Variants in CCDC91 observed in about 807,000 individuals in gnomAD.
The protein encoded by CCDC91 is coiled-coil domain-containing protein 91.
In CCDC91, 48 loss-of-function variants were observed where a neutral mutation model predicts 63.2. The observed-to-expected ratio is 0.76, with a 90% CI of 0.60 to 0.97. The LOEUF (loss-of-function observed/expected upper bound fraction) is 0.97. Among genes scored for constraint, CCDC91 ranks in the 50% least tolerant of loss-of-function variants. The pLI, the probability that CCDC91 is intolerant of heterozygous loss-of-function variation, is 0.00. For missense variants in CCDC91, 500 were observed against 494.6 expected, an observed-to-expected ratio of 1.01 and a Z score of -0.10; for synonymous variants, 167 against 165.8, an observed-to-expected ratio of 1.01 and a Z score of -0.06.
intron 11 of CCDC91, among the ~76,000 whole-genome samples, chr12:28,475,974 G>A (rs1330511963): frequency 6.6e-6 from 1 of 151,824 alleles, no homozygotes; most frequent in Non-Finnish European, 1.5e-5. Flanking sequence ...GGGGTTGCTT[G>A]TTACAGACAC....
At chr12:28,359,691 G>T in intron 6 of CCDC91, among the ~76,000 whole-genome samples, 1 of 152,028 alleles carries the variant, frequency 6.6e-6, no homozygotes, top group East Asian at 1.9e-4. Flanking sequence ...TAGTGTATCT[G>T]ACTGCATATA....
intron 3 of CCDC91, among the ~76,000 whole-genome samples, chr12:28,298,550 AG>A (rs1160424028): frequency 1.3e-5 from 2 of 151,402 alleles, no homozygotes; most frequent in Admixed American, 1.3e-4. Flanking sequence ...ATTTTTAAGC[AG>A]GTATAGTTAT....
chr12:28,485,174 T>A (rs1218509048), intron 12 of CCDC91, among the ~76,000 whole-genome samples: 1 of 151,942 alleles, frequency 6.6e-6, no homozygotes, highest in Non-Finnish European at 1.5e-5. Flanking sequence ...TTTGTTTTTT[T>A]TTGAGACAGA....
intron 6 of CCDC91, among the ~76,000 whole-genome samples, chr12:28,338,686 T>C (rs754128361): frequency 1.6e-4 from 24 of 151,924 alleles, no homozygotes; most frequent in Middle Eastern, 6.3e-3. Context: ...CACTCTGACC[T>C]CTGTGGGGAA....
chr12:28,280,230 T>A (rs989110906), intron 3 of CCDC91, among the ~76,000 whole-genome samples: 1 of 152,194 alleles, frequency 6.6e-6, no homozygotes, highest in African/African-American at 2.4e-5. Flanking sequence ...TAGAACTTTT[T>A]AATAATCTTA....
intron 6 of CCDC91, among the ~76,000 whole-genome samples, chr12:28,328,517 A>C (rs1386061885): frequency 6.6e-6 from 1 of 152,196 alleles, no homozygotes; most frequent in Non-Finnish European, 1.5e-5. Flanking sequence ...AGAGCAACAT[A>C]ATAATTTGTA....
chr12:28,418,316 C>T (rs1333794841), intron 8 of CCDC91, among the ~76,000 whole-genome samples: 1 of 151,990 alleles, frequency 6.6e-6, no homozygotes, highest in African/African-American at 2.4e-5. Flanking sequence ...ACAACAATTG[C>T]TAAAGCTAGA....
intron 3 of CCDC91, among the ~76,000 whole-genome samples, chr12:28,274,465 A>T (rs567596962): frequency 6.6e-6 from 1 of 151,998 alleles, no homozygotes; most frequent in Non-Finnish European, 1.5e-5. Context: ...GATTCTTCCT[A>T]CTCATGAGCA....
chr12:28,541,726 G>A (rs763544695), intron 12 of CCDC91, among the ~76,000 whole-genome samples: 2 of 151,700 alleles, frequency 1.3e-5, no homozygotes, highest in African/African-American at 4.8e-5. Flanking sequence ...ATAGGAAAAG[G>A]TTTTTCATTG....
At chr12:28,212,759 A>G (rs1275823138) in intron 1 of CCDC91, among the ~76,000 whole-genome samples, 1 of 152,224 alleles carries the variant, frequency 6.6e-6, no homozygotes, top group African/African-American at 2.4e-5. Context: ...TGCATAAGCA[A>G]AGATTTACTA....
chr12:28,259,439 G>A lies in CCDC91; in HGVS notation c.106G>A (p.Ala36Thr), dbSNP rs11049488. Reference protein sequence around the residue: ...SPAIPWAAFPAVSGVHLSPSS... With the variant: ...SPAIPWAAFPTVSGVHLSPSS... The stretch of plus-strand genomic sequence containing the variant: ...TGCTATTCCTTGGGCTGCCTTTCCT[G>A]CAGGTATTGGTATCCAGGAATTAGG... Residue 36 changes from alanine (A) to threonine (T), a missense_variant, in exon 3 of 13, where the codon GCA (alanine) becomes ACA (threonine). Coordinates refer to ENST00000536442, the MANE Select transcript of CCDC91 (RefSeq NM_018318.5). The A allele has an allele frequency of 0.27, 421,561 of 1,586,076 alleles. 61,169 individuals are homozygous for A. Among genetic ancestry groups the A allele is most frequent in the Non-Finnish European group, 0.3 (348,007 of 1,157,148 alleles).
chr12:28,309,987 G>A (rs1939150646), intron 6 of CCDC91, among the ~76,000 whole-genome samples: 1 of 151,926 alleles, frequency 6.6e-6, no homozygotes, highest in Admixed American at 6.6e-5. Context: ...AATTCCTTGA[G>A]ATTAAGGAGT....
chr12:28,518,394 A>C (rs900047040), intron 12 of CCDC91, among the ~76,000 whole-genome samples: 1 of 151,652 alleles, frequency 6.6e-6, no homozygotes, highest in African/African-American at 2.4e-5. Context: ...GATGTTGAGC[A>C]TTTTTTCATA....
intron 6 of CCDC91, among the ~76,000 whole-genome samples, chr12:28,349,520 A>G (rs1943041648): frequency 6.6e-6 from 1 of 152,134 alleles, no homozygotes; most frequent in African/African-American, 2.4e-5. Context: ...GCTTGGTTTA[A>G]TCTACTATTG....
At chr12:28,199,879 AT>A (rs1216734745) in intron 1 of CCDC91, among the ~76,000 whole-genome samples, 1 of 151,980 alleles carries the variant, frequency 6.6e-6, no homozygotes, top group Non-Finnish European at 1.5e-5. Context: ...TTCTCTCTTT[AT>A]GTTTCGAAAG....
At chr12:28,251,016 TTC>T (rs1946087777) in intron 1 of CCDC91, among the ~76,000 whole-genome samples, 1 of 151,650 alleles carries the variant, frequency 6.6e-6, no homozygotes, top group Non-Finnish European at 1.5e-5. Context: ...TTTCTCTAAT[TTC>T]TGTTTGCCCA....
intron 11 of CCDC91, among the ~76,000 whole-genome samples, chr12:28,465,339 T>C (rs534201578): frequency 5.9e-5 from 9 of 152,200 alleles, no homozygotes; most frequent in Middle Eastern, 3.4e-3. Flanking sequence ...CACCTCCTAA[T>C]TGTAGAGCCC....
chr12:28,535,036 C>A (rs983405642), intron 12 of CCDC91, among the ~76,000 whole-genome samples: 2 of 152,158 alleles, frequency 1.3e-5, no homozygotes, highest in African/African-American at 4.8e-5. Flanking sequence ...ATGAGACACT[C>A]ATACAGCTTT....
chr12:28,421,543 T>C (rs1346511317), intron 8 of CCDC91, among the ~76,000 whole-genome samples: 1 of 141,076 alleles, frequency 7.1e-6, no homozygotes, highest in Non-Finnish European at 1.6e-5. Context: ...GTGATCTCTT[T>C]CTTTTTTTTT....
Sources: gnomAD v4.1 joint callset for allele counts (sites outside exome capture counted in the v4.1 genomes callset) on GRCh38, gnomAD v4.1.1 for gene constraint, MANE v1.5 for transcripts, NCBI Gene and HGNC (gene_info 2026-07-23, HGNC 2026-07-21) for gene names.